ADGB: variants seen among roughly 807,000 people sequenced by gnomAD.
The protein encoded by ADGB is calpain-7-like protein.
ADGB carries 172 observed loss-of-function variants against 210.5 expected under a neutral mutation model. The ratio of observed to expected loss-of-function variants is 0.82; its 90% confidence interval spans 0.72 to 0.93. ADGB has a LOEUF of 0.93. ADGB is among the 40% of genes least tolerant of loss of function. ADGB has a pLI of 0.00. For missense variants in ADGB, 2,025 were observed against 1,964.8 expected (o/e 1.03, Z -0.58); for synonymous variants, 658 against 662.7 (o/e 0.99, Z 0.11).
At chr6:146,651,951 A>G (rs1291499923) in intron 3 of ADGB, among the ~76,000 whole-genome samples, 1 of 152,176 alleles carries the variant, frequency 6.6e-6, no homozygotes, top group Non-Finnish European at 1.5e-5. Flanking sequence ...AGCAGAATAA[A>G]CATGAGCCCT....
At chr6:146,611,881 T>C (rs530621640) in intron 1 of ADGB, among the ~76,000 whole-genome samples, 1 of 152,302 alleles carries the variant, frequency 6.6e-6, no homozygotes, top group Admixed American at 6.5e-5. Flanking sequence ...TTAAAGTCTT[T>C]ATGGATACCA....
At chr6:146,616,807 G>T (rs2114836096) in intron 1 of ADGB, among the ~76,000 whole-genome samples, 2 of 152,038 alleles carry the variant, frequency 1.3e-5, no homozygotes, top group South Asian at 4.1e-4. Flanking sequence ...TTTTGTTGTT[G>T]TTGTTGTTTT....
intron 17 of ADGB, 44 bp from the exon 18 acceptor site, chr6:146,724,142 C>T (rs1162018273): frequency 2.0e-6 from 3 of 1,503,998 alleles, no homozygotes; most frequent in African/African-American, 2.8e-5. Context: ...ATGCCAACTA[C>T]ACTTTCATGA....
At chr6:146,738,738 G>A (rs1378545884) in intron 23 of ADGB, among the ~76,000 whole-genome samples, 6 of 152,106 alleles carry the variant, frequency 3.9e-5, no homozygotes, top group South Asian at 2.1e-4. Flanking sequence ...GATTACAGGC[G>A]TGAGCCACTG....
At chr6:146,741,329 T>C in intron 25 of ADGB, 58 bp downstream of exon 25, 1 of 1,505,992 alleles carries the variant, frequency 6.6e-7, no homozygotes, top group Non-Finnish European at 9.0e-7. Context: ...GCTACCAGCT[T>C]GTAGAGGGTC....
At chr6:146,811,057 A>G (rs547604509) in intron 35 of ADGB, among the ~76,000 whole-genome samples, 1 of 152,336 alleles carries the variant, frequency 6.6e-6, no homozygotes, top group East Asian at 1.9e-4. Flanking sequence ...GCCCACTTGT[A>G]TATGTAATGT....
At position 146,708,950 on chromosome 6, in the gene ADGB, A is replaced by G. The variant is rs528503471; in HGVS notation, c.1708-6432A>G. 6.6e-5 allele frequency among the ~76,000 whole-genome samples: 10 copies of G among 151,798 alleles called. No individual in the cohort carries two copies. In the South Asian group the frequency reaches 2.1e-3, roughly 32 times the overall value. On this transcript the variant is annotated intron_variant, in intron 13 of 35. Transcript: ENST00000397944. Reference sequence around the variant, plus strand: ...TTTCCAATAGCCTGTCTTCAATTTCACAGTTTCTTTCTTTTGCTTGTCTGC... The same window carrying G: ...TTTCCAATAGCCTGTCTTCAATTTCGCAGTTTCTTTCTTTTGCTTGTCTGC...
intron 1 of ADGB, among the ~76,000 whole-genome samples, chr6:146,600,662 T>C (rs1457881782): frequency 1.3e-5 from 2 of 152,172 alleles, no homozygotes; most frequent in African/African-American, 2.4e-5. Context: ...ATTTTTTTAT[T>C]GACTTTTATT....
At chr6:146,718,115 G>T (rs1187167472) in intron 16 of ADGB, among the ~76,000 whole-genome samples, 2 of 151,952 alleles carry the variant, frequency 1.3e-5, no homozygotes, top group Non-Finnish European at 2.9e-5. Flanking sequence ...TCCCTTCCCT[G>T]GCCATGGAAT....
intron 29 of ADGB, among the ~76,000 whole-genome samples, chr6:146,769,494 C>G (rs1388488344): frequency 6.6e-6 from 1 of 152,114 alleles, no homozygotes; most frequent in South Asian, 2.1e-4. Flanking sequence ...GCATTAAATA[C>G]AAGCTTTTAA....
At chr6:146,603,727 T>A (rs1780593290) in intron 1 of ADGB, among the ~76,000 whole-genome samples, 1 of 152,160 alleles carries the variant, frequency 6.6e-6, no homozygotes, top group South Asian at 2.1e-4. Context: ...GATCAACATG[T>A]CTCTCTATAT....
At position 146,702,535 on chromosome 6, in the gene ADGB, C is replaced by T. The variant is rs964993699; in HGVS notation, c.1707+1465C>T. Among the ~76,000 whole-genome samples, 3 of 151,856 alleles carry T rather than the reference C, an allele frequency of 2.0e-5. No individual in the cohort carries two copies. The South Asian group carries it at 6.2e-4, about 31-fold the overall frequency. On this transcript the variant is annotated intron_variant, in intron 13 of 35. Transcript: ENST00000397944. ...ACCTCTCTATCCCATTTTCACCATT[C>T]TGCCCTCCGTAGGAAACTTTCAGGA...
At chr6:146,660,437 T>A (rs1421070790) in intron 5 of ADGB, among the ~76,000 whole-genome samples, 1 of 152,126 alleles carries the variant, frequency 6.6e-6, no homozygotes, top group Non-Finnish European at 1.5e-5. Context: ...AATGATTTAT[T>A]TATATCCTCC....
intron 8 of ADGB, among the ~76,000 whole-genome samples, chr6:146,672,727 C>CTTT (rs58547170): frequency 6.8e-4 from 97 of 142,794 alleles, no homozygotes; most frequent in South Asian, 4.0e-3. Context: ...GTTTTTCTTT[C>CTTT]TTTTTTTTTT....
intron 2 of ADGB, among the ~76,000 whole-genome samples, chr6:146,636,983 T>C (rs557252716): frequency 3.3e-5 from 5 of 151,988 alleles, no homozygotes; most frequent in Admixed American, 1.3e-4. Flanking sequence ...CTCACTTCTT[T>C]AGCTAAGTGA....
chr6:146,641,664 C>G (rs1248363731), intron 2 of ADGB, among the ~76,000 whole-genome samples: 1 of 151,932 alleles, frequency 6.6e-6, no homozygotes, highest in Non-Finnish European at 1.5e-5. Flanking sequence ...AAAAGACTCC[C>G]CATTCAATAA....
At chr6:146,601,074 T>C (rs1302723774) in intron 1 of ADGB, among the ~76,000 whole-genome samples, 1 of 152,108 alleles carries the variant, frequency 6.6e-6, no homozygotes, top group East Asian at 1.9e-4. Context: ...CTGAAAGAGA[T>C]GTGACTGTTA....
intron 7 of ADGB, 61 bp from the exon 8 acceptor site, chr6:146,672,159 C>A (rs113413507): frequency 1.4e-6 from 2 of 1,436,162 alleles, no homozygotes; most frequent in South Asian, 1.6e-5. Flanking sequence ...TAATTTCTTG[C>A]GAAGTTCAAG....
At chr6:146,698,624 G>A (rs1314154565) in intron 12 of ADGB, among the ~76,000 whole-genome samples, 2 of 152,148 alleles carry the variant, frequency 1.3e-5, no homozygotes, top group Non-Finnish European at 2.9e-5. Context: ...TTGGCAGTTG[G>A]CAATGTCAAG....
Sources: gnomAD v4.1 joint callset for allele counts (sites outside exome capture counted in the v4.1 genomes callset) on GRCh38, gnomAD v4.1.1 for gene constraint, MANE v1.5 for transcripts, NCBI Gene and HGNC (gene_info 2026-07-23, HGNC 2026-07-21) for gene names.